Variants in EIPR1 observed in about 807,000 individuals in gnomAD.
EIPR1 encodes the protein EARP and GARP complex-interacting protein 1.
A neutral mutation model predicts 48.1 loss-of-function variants in EIPR1; 25 were observed. The observed-to-expected ratio is 0.52, with a 90% CI of 0.38 to 0.73. The LOEUF is 0.73. Ranked by LOEUF, EIPR1 falls within the 30% of genes least tolerant of loss-of-function variation. EIPR1 has a pLI of 0.00. For synonymous variants in EIPR1, 204 were observed against 201.9 expected (o/e 1.01, Z -0.09); for missense variants, 415 against 506.2 (o/e 0.82, Z 1.73).
chr2:3,214,005 C>G (rs1203105600), intron 5 of EIPR1, 144 bp downstream of exon 5: 3 of 651,364 alleles, frequency 4.6e-6, no homozygotes, highest in East Asian at 2.9e-5. Flanking sequence ...CCCGCTCCCC[C>G]AACCCCACGA....
intron 3 of EIPR1, among the ~76,000 whole-genome samples, chr2:3,297,607 G>T (rs1368754589): frequency 6.6e-6 from 1 of 152,164 alleles, no homozygotes; most frequent in Admixed American, 6.5e-5. Context: ...TTCTGTAAAG[G>T]GCCAGGTCAT....
chr2:3,319,740 ACCTGCGGGCAAC>A, intron 3 of EIPR1: 1 of 126,038 alleles, frequency 7.9e-6, no homozygotes, highest in South Asian at 1.6e-4. Flanking sequence ...GCAATACCAC[ACCTGCGGGCAAC>A]ACCGCACCTG....
intron 1 of EIPR1, among the ~76,000 whole-genome samples, chr2:3,362,878 G>C (rs573511261): frequency 2.0e-5 from 3 of 152,256 alleles, no homozygotes; most frequent in African/African-American, 7.2e-5. Flanking sequence ...TGAAACCCTG[G>C]AGGGGACAAC....
At chr2:3,352,208 C>T (rs186872826) in intron 2 of EIPR1, among the ~76,000 whole-genome samples, 1 of 144,804 alleles carries the variant, frequency 6.9e-6, no homozygotes, top group Admixed American at 6.8e-5. Context: ...GCTACAGAAG[C>T]GACCTGCCCC....
chr2:3,372,095 A>G (rs1671131141), intron 1 of EIPR1, among the ~76,000 whole-genome samples: 1 of 151,344 alleles, frequency 6.6e-6, no homozygotes, highest in African/African-American at 2.4e-5. Context: ...AAACCGCTCA[A>G]CTACATGGAA....
At chr2:3,222,523 T>C (rs948402656) in intron 4 of EIPR1, among the ~76,000 whole-genome samples, 3 of 33,314 alleles carry the variant, frequency 9.0e-5, no homozygotes, top group African/African-American at 1.7e-4. Context: ...ATTGATTTGC[T>C]TTAGAAAATA....
At chr2:3,375,056 AATG>A (rs1212267176) in intron 1 of EIPR1, among the ~76,000 whole-genome samples, 2 of 150,874 alleles carry the variant, frequency 1.3e-5, no homozygotes, top group African/African-American at 4.9e-5. Context: ...AGCCATAAAA[AATG>A]ATGAGTTCAT....
chr2:3,291,125 C>G (rs1330895427), intron 3 of EIPR1, among the ~76,000 whole-genome samples: 1 of 152,220 alleles, frequency 6.6e-6, no homozygotes, highest in Admixed American at 6.5e-5. Flanking sequence ...TGGATGTTAG[C>G]CCCACAGCAG....
chr2:3,372,008 A>C (rs55742352), intron 1 of EIPR1, among the ~76,000 whole-genome samples: 24,433 of 151,916 alleles, frequency 0.16, 2,200 homozygotes, highest in Non-Finnish European at 0.2. Flanking sequence ...CAAATGTAAA[A>C]GAACAGAAAT....
In EIPR1 at chr2:3,338,147, G is replaced by C. The variant is rs757784946; in HGVS notation, c.129C>G (p.Ile43Met). ...GTQSLKYDNQ[I>M]HIIDFDDENN... is the part of the protein sequence containing the mutation. ...TTTCATCGTCAAAATCTATGATATG[G>C]ATCTACAAATACAAGAAAAGAGCAC... Residue 43 changes from isoleucine (I) to methionine (M), a missense_variant and splice_region_variant, in exon 3 of 9, where the codon ATC becomes ATG. Physicochemically the swap from Ile to Met is conservative, Grantham distance 10 (BLOSUM62 1). Coordinates refer to ENST00000382125, the MANE Select transcript of EIPR1 (RefSeq NM_003310.5). 1 of 1,608,714 alleles carries C rather than the reference G, an allele frequency of 6.2e-7. No individual in the cohort carries two copies.
chr2:3,290,660 G>A (rs1668337744), intron 3 of EIPR1, among the ~76,000 whole-genome samples: 1 of 152,206 alleles, frequency 6.6e-6, no homozygotes, highest in African/African-American at 2.4e-5. Context: ...GGTGCTGGGG[G>A]CAGGTGGCGG....
chr2:3,230,278 G>A (rs564701133), intron 4 of EIPR1, among the ~76,000 whole-genome samples: 37 of 152,312 alleles, frequency 2.4e-4, no homozygotes, highest in Admixed American at 5.9e-4. Flanking sequence ...TTGGCCATGT[G>A]GAACACTGTA....
intron 3 of EIPR1, among the ~76,000 whole-genome samples, chr2:3,273,775 G>A (rs1667766812): frequency 6.6e-6 from 1 of 152,186 alleles, no homozygotes; most frequent in South Asian, 2.1e-4. Context: ...GCCCCTTGGA[G>A]GCCCCACCGA....
At chr2:3,283,944 T>TAAA (rs59593196) in intron 3 of EIPR1, among the ~76,000 whole-genome samples, 15 of 92,852 alleles carry the variant, frequency 1.6e-4, no homozygotes, top group Non-Finnish European at 1.9e-4. Context: ...AGACTACATC[T>TAAA]AAAAAAAAAA....
chr2:3,314,075 A>C (rs1669211363), intron 3 of EIPR1, among the ~76,000 whole-genome samples: 3 of 152,174 alleles, frequency 2.0e-5, no homozygotes, highest in Admixed American at 2.0e-4. Flanking sequence ...ACATCGGCGG[A>C]TGCAGAGCAC....
At chr2:3,333,742 C>G (rs1340127973) in intron 3 of EIPR1, among the ~76,000 whole-genome samples, 3 of 143,588 alleles carry the variant, frequency 2.1e-5, no homozygotes, top group Non-Finnish European at 3.0e-5. Context: ...GAGCAAGACC[C>G]TACCTCCAAA....
intron 5 of EIPR1, among the ~76,000 whole-genome samples, chr2:3,213,779 G>A (rs1371980884): frequency 6.6e-6 from 1 of 152,150 alleles, no homozygotes; most frequent in African/African-American, 2.4e-5. Context: ...ATTAACTAAG[G>A]TCAAAATTCT....
At chr2:3,287,866 C>CCATGCTCCAGAAAGCTCATTCAG (rs1558275331) in intron 3 of EIPR1, among the ~76,000 whole-genome samples, 41 of 143,892 alleles carry the variant, frequency 2.8e-4, no homozygotes, top group African/African-American at 9.8e-4. Flanking sequence ...AGCTCATTCA[C>CCATGCTCCAGAAAGCTCATTCAG]CATGCTCCAG....
chr2:3,308,615 A>T (rs1669025504), intron 3 of EIPR1, among the ~76,000 whole-genome samples: 1 of 152,244 alleles, frequency 6.6e-6, no homozygotes, highest in African/African-American at 2.4e-5. Flanking sequence ...ATGGACAGAG[A>T]GTCCTCGAAT....
Sources: allele counts gnomAD v4.1 joint callset (sites outside exome capture counted in the v4.1 genomes callset), GRCh38; gene constraint gnomAD v4.1.1; transcripts MANE v1.5; gene names NCBI Gene and HGNC (gene_info 2026-07-23, HGNC 2026-07-21).